The following LRP1B variants were observed in gnomAD, a reference collection of about 807,000 sequenced individuals.
LRP1B encodes low-density lipoprotein receptor-related protein 1B.
LRP1B carries 217 observed loss-of-function variants against 556.6 expected under a neutral mutation model. The observed-to-expected ratio is 0.39, with a 90% CI of 0.35 to 0.44. LRP1B has a LOEUF of 0.44. Ranked by LOEUF, LRP1B falls within the 20% of genes least tolerant of loss-of-function variation. LRP1B has a pLI of 1.00. For missense variants in LRP1B, 5,053 were observed against 5,620.8 expected, an observed-to-expected ratio of 0.90 and a Z score of 3.23; for synonymous variants, 2,047 against 1,865.8, an observed-to-expected ratio of 1.10 and a Z score of -2.50.
Position 142,078,123 on chromosome 2 carries a change from C to T in LRP1B, c.82+52525G>A, listed in dbSNP as rs146899632. Among the ~76,000 whole-genome samples the T allele has an allele frequency of 1.3e-4, 20 of 152,160 alleles. No homozygotes were observed. In the East Asian group the frequency reaches 3.9e-3, roughly 30 times the overall value. ...CCCTATCGCTTGCTGTGCTTATCTG[C>T]CACACGATATGCATACATCAGATTC... On this transcript the variant is annotated intron_variant, in intron 1 of 90. Coordinates refer to ENST00000389484, the MANE Select transcript of LRP1B (RefSeq NM_018557.3).
intron 32 of LRP1B, among the ~76,000 whole-genome samples, chr2:140,793,008 T>C (rs2104990438): frequency 6.6e-6 from 1 of 152,180 alleles, no homozygotes; most frequent in East Asian, 1.9e-4. Flanking sequence ...GCATACAGTA[T>C]AGTAGTACGT....
Position 140,283,224 on chromosome 2 carries a change from CTT to C in LRP1B, c.12968-8628_12968-8627del, listed in dbSNP as rs544671813. On this transcript the variant is annotated intron_variant, in intron 84 of 90. Transcript: ENST00000389484. ...AATCAGGAGATAGAATTTAAAAAGA[CTT>C]AATATTGGGATTTATCCTTTTTTAC... Among the ~76,000 whole-genome samples, 11 of 151,486 alleles carry C rather than the reference CTT, an allele frequency of 7.3e-5. No individual in the cohort carries two copies. The East Asian group carries it at 1.4e-3, about 19-fold the overall frequency.
At chr2:141,430,674 C>T (rs1424710430) in intron 3 of LRP1B, among the ~76,000 whole-genome samples, 1 of 151,322 alleles carries the variant, frequency 6.6e-6, no homozygotes, top group African/African-American at 2.4e-5. Context: ...ACATTATTGG[C>T]ATTAATATTT....
At chr2:141,516,321 G>A (rs2381111) in intron 2 of LRP1B, among the ~76,000 whole-genome samples, 148,060 of 152,256 alleles carry the variant, frequency 0.97, 72,120 homozygotes, top group East Asian at 1. Context: ...TATTGATTAT[G>A]CTCAAATCTC....
intron 7 of LRP1B, among the ~76,000 whole-genome samples, chr2:141,123,537 T>TAC (rs1267821793): frequency 1.3e-5 from 2 of 152,122 alleles, no homozygotes; most frequent in African/African-American, 2.4e-5. Flanking sequence ...TTAAACTAGC[T>TAC]ACTATTCTGT....
intron 3 of LRP1B, among the ~76,000 whole-genome samples, chr2:141,371,020 G>A (rs1279756068): frequency 4.6e-5 from 7 of 151,944 alleles, no homozygotes; most frequent in African/African-American, 1.2e-4. Context: ...TTTCGCTCTC[G>A]TGGCCCAGGC....
intron 17 of LRP1B, among the ~76,000 whole-genome samples, chr2:140,986,717 C>T (rs1249960170): frequency 1.3e-5 from 2 of 152,114 alleles, no homozygotes; most frequent in Non-Finnish European, 2.9e-5. Context: ...GAATAGCCTG[C>T]TTATACTTCT....
At chr2:141,373,706 C>T (rs777849660) in intron 3 of LRP1B, among the ~76,000 whole-genome samples, 1 of 151,744 alleles carries the variant, frequency 6.6e-6, no homozygotes, top group South Asian at 2.1e-4. Context: ...TTCTTTATGT[C>T]CAGTCTATAT....
intron 86 of LRP1B, among the ~76,000 whole-genome samples, chr2:140,256,737 G>T (rs1681712689): frequency 6.6e-6 from 1 of 151,258 alleles, no homozygotes. Flanking sequence ...AAAGTGCTGG[G>T]ATTACAGGTG....
At chr2:140,527,205 A>C (rs1690474771) in intron 47 of LRP1B, among the ~76,000 whole-genome samples, 1 of 151,882 alleles carries the variant, frequency 6.6e-6, no homozygotes, top group Non-Finnish European at 1.5e-5. Flanking sequence ...ATTGATAATC[A>C]TATAGTGGTT....
chr2:141,386,323 C>T (rs1689834641), intron 3 of LRP1B, among the ~76,000 whole-genome samples: 1 of 152,014 alleles, frequency 6.6e-6, no homozygotes, highest in Non-Finnish European at 1.5e-5. Context: ...GTAATACATA[C>T]AGAAAACAAG....
chr2:141,339,590 G>C (rs916522553), intron 3 of LRP1B, among the ~76,000 whole-genome samples: 1 of 152,118 alleles, frequency 6.6e-6, no homozygotes, highest in Non-Finnish European at 1.5e-5. Context: ...ATCATAAGCA[G>C]AGAGCAAAAG....
At chr2:141,818,323 C>T (rs1426631662) in intron 1 of LRP1B, among the ~76,000 whole-genome samples, 1 of 152,020 alleles carries the variant, frequency 6.6e-6, no homozygotes, top group East Asian at 1.9e-4. Flanking sequence ...ACCTTAATCC[C>T]CTTCCTTTAC....
In LRP1B at chr2:140,395,813, T is replaced by G. The variant is rs899785053; in HGVS notation, c.10415-9804A>C. ...CAGTGGACATTTTTTGAATTCACAT[T>G]ATGCAGTTTCAGCAAGTGTCATATT... is the stretch of plus-strand genomic sequence containing the variant. On this transcript the variant is annotated intron_variant, in intron 66 of 90. Coordinates refer to ENST00000389484, the MANE Select transcript of LRP1B (RefSeq NM_018557.3). Among the ~76,000 whole-genome samples the G allele has an allele frequency of 3.9e-5, 6 of 152,214 alleles. No homozygotes were observed. The East Asian group carries it at 1.2e-3, about 29-fold the overall frequency.
chr2:141,886,506 T>A (rs1394384942), intron 1 of LRP1B, among the ~76,000 whole-genome samples: 1 of 152,184 alleles, frequency 6.6e-6, no homozygotes, highest in Non-Finnish European at 1.5e-5. Flanking sequence ...CTGATAAGAC[T>A]TTATTCCATG....
At chr2:140,481,990 A>G (rs570506427) in intron 59 of LRP1B, among the ~76,000 whole-genome samples, 27 of 151,952 alleles carry the variant, frequency 1.8e-4, no homozygotes, top group Non-Finnish European at 2.9e-4. Flanking sequence ...GCTACTTCTT[A>G]CTCTACCATT....
intron 1 of LRP1B, among the ~76,000 whole-genome samples, chr2:141,975,870 T>G (rs1054209989): frequency 1.3e-5 from 2 of 152,136 alleles, no homozygotes; most frequent in African/African-American, 4.8e-5. Context: ...TGAAGGATTT[T>G]TATTCCCTTC....
intron 1 of LRP1B, among the ~76,000 whole-genome samples, chr2:141,875,526 T>C (rs1698728654): frequency 6.6e-6 from 1 of 152,012 alleles, no homozygotes; most frequent in African/African-American, 2.4e-5. Context: ...TTTCTGAAAG[T>C]CAGAGACAAG....
intron 7 of LRP1B, among the ~76,000 whole-genome samples, chr2:141,143,295 C>T (rs757503746): frequency 3.3e-5 from 5 of 151,996 alleles, no homozygotes; most frequent in Non-Finnish European, 5.9e-5. Flanking sequence ...TGACTGAGTT[C>T]GTCCTGTTTA....
Sources: allele counts gnomAD v4.1 joint callset (sites outside exome capture counted in the v4.1 genomes callset), GRCh38; gene constraint gnomAD v4.1.1; transcripts MANE v1.5; gene names NCBI Gene and HGNC (gene_info 2026-07-23, HGNC 2026-07-21).